ARSB: variants seen among roughly 807,000 people sequenced by gnomAD.
The protein encoded by ARSB is N-acetylgalactosamine-4-sulfatase.
A neutral mutation model predicts 50.9 loss-of-function variants in ARSB; 41 were observed. The ratio of observed to expected loss-of-function variants is 0.81; its 90% confidence interval spans 0.63 to 1.04. The LOEUF (loss-of-function observed/expected upper bound fraction) is 1.04. Among genes scored for constraint, ARSB ranks in the 50% least tolerant of loss-of-function variants. ARSB has a pLI of 0.00. For synonymous variants in ARSB, 269 were observed against 284.8 expected, an observed-to-expected ratio of 0.94 and a Z score of 0.56; for missense variants, 672 against 693.3, an observed-to-expected ratio of 0.97 and a Z score of 0.35.
intron 5 of ARSB, among the ~76,000 whole-genome samples, chr5:78,866,868 G>A (rs1034081328): frequency 9.9e-5 from 15 of 152,204 alleles, no homozygotes; most frequent in Admixed American, 4.6e-4. Flanking sequence ...CATGAGCGAC[G>A]CAGAAGACGG....
chr5:78,911,039 G>A (rs778174399), intron 4 of ARSB, among the ~76,000 whole-genome samples: 1 of 152,178 alleles, frequency 6.6e-6, no homozygotes, highest in Non-Finnish European at 1.5e-5. Context: ...AGTGATTCAA[G>A]TGTCAAGTGT....
chr5:78,979,527 G>A (rs1752807738), intron 1 of ARSB, among the ~76,000 whole-genome samples: 1 of 152,240 alleles, frequency 6.6e-6, no homozygotes, highest in Admixed American at 6.5e-5. Flanking sequence ...GTGCACTGGG[G>A]TGGAGCCACG....
At chr5:78,939,805 G>A (rs991258908) in intron 4 of ARSB, among the ~76,000 whole-genome samples, 6 of 152,084 alleles carry the variant, frequency 3.9e-5, no homozygotes, top group African/African-American at 1.4e-4. Flanking sequence ...CCAGTAATGG[G>A]ATGGCTGGGT....
chr5:78,878,676 G>A (rs997377540), intron 5 of ARSB, among the ~76,000 whole-genome samples: 4 of 151,344 alleles, frequency 2.6e-5, no homozygotes, highest in African/African-American at 9.7e-5. Context: ...GAAAAGATTT[G>A]TTTTTCCTTT....
chr5:78,866,825 C>A (rs928346768), intron 5 of ARSB, among the ~76,000 whole-genome samples: 1 of 152,082 alleles, frequency 6.6e-6, no homozygotes, highest in Non-Finnish European at 1.5e-5. Flanking sequence ...CCAAGATGGC[C>A]GAATAGGGAC....
chr5:78,838,931 T>C (rs1745065963), intron 6 of ARSB, among the ~76,000 whole-genome samples: 1 of 152,156 alleles, frequency 6.6e-6, no homozygotes, highest in Non-Finnish European at 1.5e-5. Flanking sequence ...AATCAGATAA[T>C]GTGGTTGCTC....
intron 1 of ARSB, among the ~76,000 whole-genome samples, chr5:78,984,505 C>T (rs1753053254): frequency 6.6e-6 from 1 of 152,202 alleles, no homozygotes; most frequent in Non-Finnish European, 1.5e-5. Flanking sequence ...CGCTGGGTTC[C>T]CACGGGCCAG....
chr5:78,808,417 T>C (rs1032956652), intron 6 of ARSB, among the ~76,000 whole-genome samples: 4 of 152,194 alleles, frequency 2.6e-5, no homozygotes, highest in Admixed American at 6.5e-5. Flanking sequence ...ACATTCACAA[T>C]AATTCCCTAA....
chr5:78,886,002 C>G (rs1748017817), intron 4 of ARSB, among the ~76,000 whole-genome samples, 175 bp from the exon 5 acceptor site: 1 of 152,176 alleles, frequency 6.6e-6, no homozygotes, highest in Non-Finnish European at 1.5e-5. Flanking sequence ...TTTCATTATT[C>G]AGACATAAGT....
At chr5:78,929,553 G>A (rs1163207225) in intron 4 of ARSB, among the ~76,000 whole-genome samples, 2 of 152,126 alleles carry the variant, frequency 1.3e-5, no homozygotes, top group East Asian at 3.9e-4. Flanking sequence ...CACTTTGGGA[G>A]GCCGAGACAG....
At chr5:78,901,557 C>T (rs11956583) in intron 4 of ARSB, among the ~76,000 whole-genome samples, 1 of 148,436 alleles carries the variant, frequency 6.7e-6, no homozygotes, top group African/African-American at 2.5e-5. Flanking sequence ...ATAGTTTTTT[C>T]AAAAAAAAAT....
At chr5:78,882,109 G>A (rs1356446310) in intron 5 of ARSB, among the ~76,000 whole-genome samples, 1 of 152,198 alleles carries the variant, frequency 6.6e-6, no homozygotes, top group East Asian at 1.9e-4. Context: ...GGTTGGACCC[G>A]CTCTGGAATG....
chr5:78,890,307 G>A lies in ARSB; in HGVS notation c.899-4480C>T, dbSNP rs186185417. 2.5e-3 allele frequency among the ~76,000 whole-genome samples: 360 copies of A among 146,392 alleles called. 5 individuals carry two copies. Among genetic ancestry groups the A allele is most frequent in the Non-Finnish European group, 1.4e-3 (94 of 67,370 alleles). ...ACTCCTCCAACCAGGATGGAGTGCA[G>A]TGGCAGGATCACAGCTCACTGCAGC... On this transcript the variant is annotated intron_variant, in intron 4 of 7. Coordinates refer to ENST00000264914, the MANE Select transcript of ARSB (RefSeq NM_000046.5).
chr5:78,787,625 T>G (rs1749128564), intron 6 of ARSB, among the ~76,000 whole-genome samples: 2 of 152,134 alleles, frequency 1.3e-5, no homozygotes, highest in Non-Finnish European at 2.9e-5. Flanking sequence ...GCCAAGATAT[T>G]TGGTGACAAA....
In ARSB at chr5:78,972,494, T is replaced by A. The variant is rs951993154; in HGVS notation, c.313-3302A>T. On this transcript the variant is annotated intron_variant, in intron 1 of 7. Coordinates refer to ENST00000264914, the MANE Select transcript of ARSB (RefSeq NM_000046.5). The stretch of plus-strand genomic sequence containing the variant: ...AGGCTGGGAAAGGGAAGCATTCCTC[T>A]TAGCACATTTGCACGCATACGTACA... Among the ~76,000 whole-genome samples the A allele has an allele frequency of 2.2e-5, 3 of 139,226 alleles. No individual in the cohort carries two copies. In the Admixed American group the frequency reaches 2.2e-4, roughly 10 times the overall value. 91.3% of individuals were successfully genotyped at this position (139,226 alleles called of 152,430 possible). A position where few individuals can be genotyped will look rare whatever the true frequency, so the allele number is the denominator to read the frequency against.
At chr5:78,883,729 A>G (rs1747869538) in intron 5 of ARSB, 1 of 152,142 alleles carries the variant, frequency 6.6e-6, no homozygotes, top group Admixed American at 6.5e-5. Context: ...TTAGAGAGGA[A>G]CCCATAGACT....
chr5:78,820,103 T>C (rs1744154976), intron 6 of ARSB, among the ~76,000 whole-genome samples: 1 of 152,170 alleles, frequency 6.6e-6, no homozygotes, highest in African/African-American at 2.4e-5. Flanking sequence ...ACGTGAGGAC[T>C]CAATGTTTCT....
chr5:78,936,720 G>T (rs1750622288), intron 4 of ARSB, among the ~76,000 whole-genome samples: 1 of 152,104 alleles, frequency 6.6e-6, no homozygotes, highest in South Asian at 2.1e-4. Flanking sequence ...CCCTGCATAG[G>T]TCTTTATGCT....
chr5:78,873,411 T>A (rs1747319855), intron 5 of ARSB, among the ~76,000 whole-genome samples: 1 of 151,470 alleles, frequency 6.6e-6, no homozygotes, highest in Non-Finnish European at 1.5e-5. Context: ...GAAACCAAAT[T>A]TATGTAAAGA....
Sources: gnomAD v4.1 joint callset for allele counts (sites outside exome capture counted in the v4.1 genomes callset) on GRCh38, gnomAD v4.1.1 for gene constraint, MANE v1.5 for transcripts, NCBI Gene and HGNC (gene_info 2026-07-23, HGNC 2026-07-21) for gene names.